The following ITPK1 variants were observed in gnomAD, a reference collection of about 807,000 sequenced individuals.
ITPK1 encodes inositol-tetrakisphosphate 1-kinase.
A neutral mutation model predicts 45.3 loss-of-function variants in ITPK1; 21 were observed. That is an observed-to-expected ratio of 0.46 (90% CI 0.33 to 0.67). The LOEUF (loss-of-function observed/expected upper bound fraction) is 0.67. Among genes scored for constraint, ITPK1 ranks in the 30% least tolerant of loss-of-function variants. ITPK1 has a pLI of 0.02. For synonymous variants in ITPK1, 258 were observed against 253.6 expected (o/e 1.02, Z -0.16); for missense variants, 474 against 573.5 (o/e 0.83, Z 1.77).
In ITPK1 at chr14:92,941,334, G is replaced by A; in HGVS notation, c.*227C>T. The A allele has an allele frequency of 1.4e-6, 2 of 1,412,152 alleles. No individual in the cohort carries two copies. The highest frequency in any genetic ancestry group is 1.8e-6 in the Non-Finnish European group (2 of 1,090,636). The allele number at this position is 1,412,152 out of a possible 1,614,324, so 87.5% of individuals were successfully genotyped here. ...ACTCAGTTAGGAGGTCTGCACAGTA[G>A]AGAGCAGGCGGACGGCCCCACTCCC... On this transcript the variant is annotated 3_prime_UTR_variant, in exon 11 of 11. Transcript: ENST00000267615.
intron 3 of ITPK1, among the ~76,000 whole-genome samples, chr14:93,057,800 C>A (rs1391409402): frequency 6.6e-6 from 1 of 152,232 alleles, no homozygotes; most frequent in Non-Finnish European, 1.5e-5. Flanking sequence ...TCAGGGCTCA[C>A]CCACCAGGCA....
chr14:92,962,923 C>T (rs1885165696), intron 5 of ITPK1, 74 bp from the exon 6 acceptor site: 5 of 1,034,792 alleles, frequency 4.8e-6, no homozygotes, highest in Middle Eastern at 4.9e-4. Flanking sequence ...TGACAGCCCG[C>T]CCCACCCCAG....
chr14:93,000,597 T>C (rs923754886), intron 4 of ITPK1, among the ~76,000 whole-genome samples: 2 of 152,178 alleles, frequency 1.3e-5, no homozygotes, highest in African/African-American at 4.8e-5. Flanking sequence ...GTGCACCTGG[T>C]CACCTACAGA....
intron 3 of ITPK1, among the ~76,000 whole-genome samples, chr14:93,058,407 AG>A: frequency 3.3e-5 from 1 of 29,878 alleles, no homozygotes; most frequent in African/African-American, 1.4e-4. Flanking sequence ...GTCGCAACAC[AG>A]GGGTGGAGGG....
rs917539330 is a variant in ITPK1 at position 92,951,423 on chromosome 14, C to T, written c.738+523G>A. 6.6e-5 allele frequency among the ~76,000 whole-genome samples: 10 copies of T among 152,266 alleles called. 1 individual carries two copies. Among genetic ancestry groups the T allele is most frequent in the African/African-American group, 2.2e-4 (9 of 41,562 alleles). On this transcript the variant is annotated intron_variant, in intron 9 of 10. Coordinates refer to ENST00000267615, the MANE Select transcript of ITPK1 (RefSeq NM_014216.6). ...TCTCTGATGCCATGAGACCTGATTG[C>T]GACCCGCACTGCAGGGCACCTGGGC...
At chr14:92,993,197 C>T (rs1433006207) in intron 5 of ITPK1, among the ~76,000 whole-genome samples, 1 of 152,254 alleles carries the variant, frequency 6.6e-6, no homozygotes, top group East Asian at 1.9e-4. Context: ...AGCACTTTTC[C>T]TTAAAATTAA....
intron 3 of ITPK1, among the ~76,000 whole-genome samples, chr14:93,049,250 G>A (rs2139926392): frequency 6.6e-6 from 1 of 152,334 alleles, no homozygotes; most frequent in South Asian, 2.1e-4. Context: ...CAATACACAA[G>A]AATCCTGTGT....
chr14:93,090,466 C>G (rs1891824451), intron 2 of ITPK1, among the ~76,000 whole-genome samples: 2 of 152,178 alleles, frequency 1.3e-5, no homozygotes, highest in Admixed American at 1.3e-4. Context: ...GTGTGAAGGA[C>G]AATCCACAGA....
At chr14:92,952,821 G>A (rs79161432) in intron 8 of ITPK1, among the ~76,000 whole-genome samples, 2,658 of 152,354 alleles carry the variant, frequency 0.017, 73 homozygotes, top group Admixed American at 0.08. Context: ...ATGTCAGGTC[G>A]GTTGGTCAGA....
chr14:93,021,552 C>T (rs1373900552), intron 3 of ITPK1, among the ~76,000 whole-genome samples: 2 of 150,474 alleles, frequency 1.3e-5, no homozygotes, highest in African/African-American at 5.0e-5. Flanking sequence ...GAGATGATGC[C>T]ACTGCACTCC....
chr14:93,031,048 C>A (rs1889026059), intron 3 of ITPK1, among the ~76,000 whole-genome samples: 1 of 152,170 alleles, frequency 6.6e-6, no homozygotes, highest in African/African-American at 2.4e-5. Flanking sequence ...CACTTGGGAT[C>A]TCAGACTTCT....
chr14:92,941,758 C>T lies in ITPK1; in HGVS notation c.1048G>A (p.Val350Met). The T allele has an allele frequency of 1.2e-6, 2 of 1,604,018 alleles. No individual in the cohort carries two copies. The highest frequency in any genetic ancestry group is 1.7e-6 in the Non-Finnish European group (2 of 1,176,754). ...KLLAEPAGGL[V>M]GERTCSASPG... ...CTGGCGCTGCATGTCCGCTCGCCCA[C>T]CAGGCCGCCCGCCGGCTCGGCCAGA... Residue 350 changes from valine to methionine, a missense_variant, in exon 11 of 11, where the codon GTG becomes ATG. Around this residue, in one of 2 missense-constraint regions of ITPK1, gnomAD observed 367 missense variants for 480.6 expected, o/e 0.76. Transcript: ENST00000267615.
At chr14:93,095,979 T>C (rs76258391) in intron 2 of ITPK1, among the ~76,000 whole-genome samples, 3,912 of 152,282 alleles carry the variant, frequency 0.026, 183 homozygotes, top group African/African-American at 0.089. Flanking sequence ...GTGGGGTAAT[T>C]TGATGAGAGC....
At chr14:93,007,714 T>G (rs1174177122) in intron 4 of ITPK1, among the ~76,000 whole-genome samples, 1 of 152,158 alleles carries the variant, frequency 6.6e-6, no homozygotes, top group Non-Finnish European at 1.5e-5. Flanking sequence ...GGCTACGACA[T>G]CTACCCCGTG....
chr14:92,995,709 G>A (rs905279407), intron 4 of ITPK1, among the ~76,000 whole-genome samples: 7 of 152,208 alleles, frequency 4.6e-5, no homozygotes, highest in Non-Finnish European at 8.8e-5. Flanking sequence ...CCCTCCAGCC[G>A]TCAGCAAGCC....
In ITPK1 at chr14:93,032,863, C is replaced by G. The variant is rs1469237332; in HGVS notation, c.121-16062G>C. Among the ~76,000 whole-genome samples, 1 of 152,202 alleles carries G rather than the reference C, an allele frequency of 6.6e-6. No homozygotes were observed. Among genetic ancestry groups the G allele is most frequent in the Non-Finnish European group, 1.5e-5 (1 of 68,040 alleles). On this transcript the variant is annotated intron_variant, in intron 3 of 10. Coordinates refer to ENST00000267615, the MANE Select transcript of ITPK1 (RefSeq NM_014216.6). The surrounding 1 kb of genome is among the most constrained non-coding windows in gnomAD (Gnocchi z 4.0). The stretch of plus-strand genomic sequence containing the variant: ...TGCTCAGGGAATCGGGTGACAAAGG[C>G]CAGCACGGATCGGATCGTGCACCCT...
chr14:92,962,876 C>T, intron 5 of ITPK1, 27 bp from the exon 6 acceptor site: 1 of 1,550,434 alleles, frequency 6.4e-7, no homozygotes. Flanking sequence ...GCCTGGTCAG[C>T]ACAGCTCCTG....
chr14:92,992,328 G>A (rs544653614), intron 5 of ITPK1, among the ~76,000 whole-genome samples: 6 of 152,338 alleles, frequency 3.9e-5, no homozygotes, highest in East Asian at 1.9e-4. Context: ...GGCAGACTGA[G>A]ATGAAGGTGA....
At chr14:93,007,541 GCA>G (rs995984347) in intron 4 of ITPK1, among the ~76,000 whole-genome samples, 7 of 152,186 alleles carry the variant, frequency 4.6e-5, no homozygotes, top group Non-Finnish European at 7.3e-5. Flanking sequence ...CAGAATCAGG[GCA>G]CAGTTTGCGG....
Sources: allele counts gnomAD v4.1 joint callset (sites outside exome capture counted in the v4.1 genomes callset), GRCh38; gene constraint gnomAD v4.1.1; regional missense constraint gnomAD v4.1.1; non-coding constraint Gnocchi (gnomAD v3.1); transcripts MANE v1.5; gene names NCBI Gene and HGNC (gene_info 2026-07-23, HGNC 2026-07-21).